CDK5RAP2: variants seen among roughly 807,000 people sequenced by gnomAD.
The protein encoded by CDK5RAP2 is CDK5 regulatory subunit associated protein 2, also known as CDK5 regulatory subunit-associated protein 2.
Under a neutral mutation model 232.9 loss-of-function variants are expected in CDK5RAP2, and 147 were observed. The observed-to-expected ratio is 0.63, with a 90% CI of 0.55 to 0.72. CDK5RAP2 has a LOEUF of 0.72. CDK5RAP2 is among the 30% of genes least tolerant of loss of function. The probability of loss-of-function intolerance (pLI) is 0.00; values close to 1 mark genes in which losing one functional copy is unlikely to be tolerated. For synonymous variants in CDK5RAP2, 833 were observed against 833.7 expected (o/e 1.00, Z 0.01); for missense variants, 2,195 against 2,231.5 (o/e 0.98, Z 0.33).
chr9:120,497,118 C>T, intron 12 of CDK5RAP2, among the ~76,000 whole-genome samples: 1 of 129,474 alleles, frequency 7.7e-6, no homozygotes, highest in East Asian at 2.5e-4. Context: ...TACCCCCAAC[C>T]CTGTGCTCTC....
rs138702142 is a variant in CDK5RAP2, at chr9:120,407,060, C to T, written c.4915G>A (p.Val1639Ile). ...KAQEGALTLA[V>I]QAVSIPEVPL... ...ACCTCAGGGATGGACACGGCTTGGACAGCCAGAGTGAGGGCTCCTTCCTGT... is the reference window on the plus strand; with the variant it reads ...ACCTCAGGGATGGACACGGCTTGGATAGCCAGAGTGAGGGCTCCTTCCTGT... The change falls in exon 32 of 38, where the codon GTC becomes ATC. Residue 1639 changes from valine to isoleucine, a missense_variant. By Grantham distance (29) the Val-to-Ile change is conservative. Coordinates refer to ENST00000349780, the MANE Select transcript of CDK5RAP2 (RefSeq NM_018249.6). The T allele has an allele frequency of 2.5e-5, 40 of 1,614,034 alleles. No individual in the cohort carries two copies. Among genetic ancestry groups the T allele is most frequent in the African/African-American group, 1.3e-4 (10 of 74,958 alleles).
rs1205270590 is a variant in CDK5RAP2 at position 120,437,339 on chromosome 9, T to C, written c.3911A>G (p.Gln1304Arg). 1.2e-6 allele frequency: 2 copies of C among 1,613,990 alleles called. No individual in the cohort carries two copies. The highest frequency in any genetic ancestry group is 4.5e-5 in the East Asian group (2 of 44,896). Residue 1304 changes from glutamine (Q) to arginine (R), a missense_variant, in exon 25 of 38, where the codon CAA becomes CGA. Physicochemically the swap from Gln to Arg is conservative, Grantham distance 43 (BLOSUM62 1). Transcript: ENST00000349780. The part of the protein sequence containing the change: ...VAEGFQEQLN[Q>R]CAELLEKLEK... Reference sequence around the variant, plus strand: ...CAATTTCTCCAGCAGCTCAGCACATTGATTCAGCTGTTCCTGGAAACCCTC... The same window carrying C: ...CAATTTCTCCAGCAGCTCAGCACATCGATTCAGCTGTTCCTGGAAACCCTC...
chr9:120,536,394 G>C lies in CDK5RAP2; in HGVS notation c.640C>G (p.Leu214Val), dbSNP rs749992541. The C allele has an allele frequency of 6.2e-6, 10 of 1,614,032 alleles. No homozygotes were observed. Among genetic ancestry groups the C allele is most frequent in the South Asian group, 4.4e-5 (4 of 91,092 alleles). ...KMHEGDLAMA[L>V]VLDEKDRLIE... is the part of the protein sequence containing the mutation. ...GACCTGTCTTTCTCATCCAGGACCA[G>C]AGCCATCGCCAAGTCCCCCTCGTGC... Residue 214 changes from leucine to valine, a missense_variant, in exon 7 of 38, where the codon CTG (leucine) becomes GTG (valine). Leu to Val is a conservative substitution (Grantham distance 32). Transcript: ENST00000349780.
At chr9:120,481,141 T>C (rs1259219837) in intron 14 of CDK5RAP2, among the ~76,000 whole-genome samples, 3 of 152,210 alleles carry the variant, frequency 2.0e-5, no homozygotes, top group Non-Finnish European at 4.4e-5. Context: ...TGCTTACGTG[T>C]TACTACACTC....
intron 12 of CDK5RAP2, among the ~76,000 whole-genome samples, chr9:120,497,700 T>C (rs2039376798): frequency 6.6e-6 from 1 of 152,196 alleles, no homozygotes; most frequent in African/African-American, 2.4e-5. Context: ...ATGCTATTCT[T>C]GCCAAAAACA....
In CDK5RAP2 at chr9:120,448,080, G is replaced by A; in HGVS notation, c.2840C>T (p.Ser947Leu). ...RLPILIKPSR[S>L]LGNMYRLPAT... The stretch of plus-strand genomic sequence containing the variant: ...AGGGAGACGATACATATTTCCTAAT[G>A]ACCGGGATGGTTTTATTAGGATTGG... The change falls in exon 22 of 38, where the codon TCA (serine) becomes TTA (leucine). Residue 947 changes from serine to leucine, a missense_variant. Coordinates refer to ENST00000349780, the MANE Select transcript of CDK5RAP2 (RefSeq NM_018249.6). 1 of 1,614,132 alleles carries A rather than the reference G, an allele frequency of 6.2e-7. No individual in the cohort carries two copies. The highest frequency in any genetic ancestry group is 8.5e-7 in the Non-Finnish European group (1 of 1,180,014).
chr9:120,543,919 C>T (rs569496821), intron 5 of CDK5RAP2, among the ~76,000 whole-genome samples: 6 of 152,192 alleles, frequency 3.9e-5, no homozygotes, highest in East Asian at 1.9e-4. Flanking sequence ...TTTATTTTTC[C>T]TCATAGCTCT....
chr9:120,445,670 T>C (rs2036146764), intron 22 of CDK5RAP2, among the ~76,000 whole-genome samples: 1 of 152,214 alleles, frequency 6.6e-6, no homozygotes, highest in Non-Finnish European at 1.5e-5. Flanking sequence ...TCACCCTCTC[T>C]TGGATCCCTC....
In CDK5RAP2 at chr9:120,406,996, G is replaced by C. The variant is rs1446431843; in HGVS notation, c.4963+16C>G. ...GAGCTGCATTCTCAGCAAGTGGGGA[G>C]AGGCAGGGGCAGTACCGTGTTTGTC... On this transcript the variant is annotated intron_variant, in intron 32 of 37. Coordinates refer to ENST00000349780, the MANE Select transcript of CDK5RAP2 (RefSeq NM_018249.6). 6.4e-7 allele frequency: 1 copy of C among 1,572,338 alleles called. No homozygotes were observed. The highest frequency in any genetic ancestry group is 1.7e-5 in the Admixed American group (1 of 59,916).
At chr9:120,534,348 T>C (rs1463446671) in intron 7 of CDK5RAP2, among the ~76,000 whole-genome samples, 1 of 152,184 alleles carries the variant, frequency 6.6e-6, no homozygotes, top group Non-Finnish European at 1.5e-5. Context: ...ATTCTTCCTC[T>C]TCCTAGTACT....
At chr9:120,519,426 A>T (rs1291154548) in intron 11 of CDK5RAP2, among the ~76,000 whole-genome samples, 2 of 152,314 alleles carry the variant, frequency 1.3e-5, no homozygotes, top group East Asian at 3.9e-4. Context: ...ATTTGTCTTT[A>T]AAAAAATAAA....
chr9:120,494,565 T>A (rs191668697), intron 12 of CDK5RAP2, among the ~76,000 whole-genome samples: 8 of 152,084 alleles, frequency 5.3e-5, no homozygotes, highest in Non-Finnish European at 1.0e-4. Context: ...TTATAACTTA[T>A]AGAGTAAAAC....
At chr9:120,557,117 C>G (rs762409175) in intron 3 of CDK5RAP2, among the ~76,000 whole-genome samples, 5 of 152,144 alleles carry the variant, frequency 3.3e-5, no homozygotes, top group Non-Finnish European at 5.9e-5. Context: ...TATGGCAAAG[C>G]AAAATACGCC....
Position 120,464,112 on chromosome 9 carries a change from T to C in CDK5RAP2, c.2107-3445A>G, listed in dbSNP as rs1021892230. 5.3e-5 allele frequency among the ~76,000 whole-genome samples: 8 copies of C among 152,200 alleles called. No individual in the cohort carries two copies. In the South Asian group the frequency reaches 1.7e-3, roughly 32 times the overall value. The stretch of plus-strand genomic sequence containing the variant: ...AGGAAGTTCTCAGTACTTTTTTCTT[T>C]CTTGCTTCTCAGAGTGTTCGACACT... On this transcript the variant is annotated intron_variant, in intron 18 of 37. Coordinates refer to ENST00000349780, the MANE Select transcript of CDK5RAP2 (RefSeq NM_018249.6).
At chr9:120,555,314 T>C (rs557098282) in intron 3 of CDK5RAP2, among the ~76,000 whole-genome samples, 5 of 151,946 alleles carry the variant, frequency 3.3e-5, no homozygotes, top group Non-Finnish European at 7.4e-5. Context: ...TGTATTTTTT[T>C]TTAAATAGAG....
chr9:120,487,417 C>T lies in CDK5RAP2; in HGVS notation c.1503G>A (p.Leu501=), dbSNP rs1448995472. The change falls in exon 14 of 38, where the codon TTG becomes TTA. Residue 501 remains leucine (L), a synonymous_variant. Coordinates refer to ENST00000349780, the MANE Select transcript of CDK5RAP2 (RefSeq NM_018249.6). ...AATAGCAGTTCTGCTGTATTACTTC[C>T]AAATCTTTTTCATTGAATTTCTAAT... ...VLLQKFNEKD[L]EVIQQNCYLM... is the part of the protein sequence containing the mutation. The T allele has an allele frequency of 6.2e-7, 1 of 1,607,866 alleles. No homozygotes were observed. The highest frequency in any genetic ancestry group is 8.5e-7 in the Non-Finnish European group (1 of 1,177,746).
chr9:120,431,934 C>T (rs1448699864), intron 25 of CDK5RAP2, among the ~76,000 whole-genome samples: 2 of 152,184 alleles, frequency 1.3e-5, no homozygotes, highest in African/African-American at 4.8e-5. Context: ...AAGTTATAGA[C>T]CCTCACCCCA....
intron 18 of CDK5RAP2, among the ~76,000 whole-genome samples, chr9:120,462,210 G>A (rs1394395519): frequency 6.6e-6 from 1 of 152,130 alleles, no homozygotes; most frequent in Non-Finnish European, 1.5e-5. Flanking sequence ...CAGACTAGAC[G>A]TGCATAAATA....
At position 120,530,059 on chromosome 9, in the gene CDK5RAP2, T is replaced by C. The variant is rs781662933; in HGVS notation, c.744A>G (p.Ala248=). The C allele has an allele frequency of 3.7e-6, 6 of 1,613,760 alleles. No individual in the cohort carries two copies. The South Asian group carries it at 6.6e-5, about 18-fold the overall frequency. The change falls in exon 8 of 38, where the codon GCA becomes GCG. Residue 248 remains alanine, a synonymous_variant. Transcript: ENST00000349780. ...CAGATGACACATTCTCATCAGGACA[T>C]GCCATCTGAGATTTCTCCTCTTTAA... ...QCLKEEKSQM[A]CPDENVSSGE...
Sources: gnomAD v4.1 joint callset for allele counts (sites outside exome capture counted in the v4.1 genomes callset) on GRCh38, gnomAD v4.1.1 for gene constraint, MANE v1.5 for transcripts, NCBI Gene and HGNC (gene_info 2026-07-23, HGNC 2026-07-21) for gene names.